The following KIFC3 variants were observed in gnomAD, a reference collection of about 807,000 sequenced individuals.
The protein encoded by KIFC3 is kinesin-like protein KIFC3.
Under a neutral mutation model 101.8 loss-of-function variants are expected in KIFC3, and 60 were observed. The ratio of observed to expected loss-of-function variants is 0.59; its 90% CI spans 0.48 to 0.73. The LOEUF (loss-of-function observed/expected upper bound fraction) is 0.73, where lower values mean the gene tolerates loss of function less well. Among genes scored for constraint, KIFC3 ranks in the 30% least tolerant of loss-of-function variants. KIFC3 has a pLI of 0.00. For synonymous variants in KIFC3, 476 were observed against 482.7 expected, an observed-to-expected ratio of 0.99 and a Z score of 0.18; for missense variants, 966 against 1,137.1, an observed-to-expected ratio of 0.85 and a Z score of 2.16.
chr16:57,783,215 C>A (rs143098489), intron 3 of KIFC3, among the ~76,000 whole-genome samples: 1 of 152,342 alleles, frequency 6.6e-6, no homozygotes, highest in African/African-American at 2.4e-5. Flanking sequence ...TACGATTTCA[C>A]TTCTATGAAA....
chr16:57,784,185 C>T (rs147148686), intron 3 of KIFC3, among the ~76,000 whole-genome samples: 4 of 152,244 alleles, frequency 2.6e-5, no homozygotes, highest in Non-Finnish European at 4.4e-5. Context: ...GTGCCCAGCT[C>T]AGTGCCAGTA....
Position 57,802,274 on chromosome 16 carries a change from G to A in KIFC3, c.-40+96C>T, listed in dbSNP as rs1484006194. The stretch of plus-strand genomic sequence containing the variant: ...TAGCGGGTCCGGGCAGAGGGGTCCC[G>A]AGGGCAGGGCCGGCCCGGACGCGGC... On this transcript the variant is annotated intron_variant, in intron 1 of 19. Transcript: ENST00000445690. The surrounding 1 kb of genome is among the most constrained non-coding windows in gnomAD (Gnocchi z 5.0). 4.0e-5 allele frequency: 26 copies of A among 648,492 alleles called. No individual in the cohort carries two copies. Among genetic ancestry groups the A allele is most frequent in the Non-Finnish European group, 4.4e-5 (23 of 522,340 alleles). The allele number at this position is 648,492 out of a possible 1,614,324, so 40.2% of individuals were successfully genotyped here.
chr16:57,813,590 A>G, intron 1 of KIFC3: 1 of 725,938 alleles, frequency 1.4e-6, no homozygotes. Flanking sequence ...TGAGAATCCC[A>G]GCCCTGGGGT....
chr16:57,812,857 A>T (rs2055124532), intron 1 of KIFC3, among the ~76,000 whole-genome samples: 2 of 152,216 alleles, frequency 1.3e-5, no homozygotes, highest in Admixed American at 1.3e-4. Context: ...TGGTCCAGCC[A>T]TGTCTGCTTG....
intron 16 of KIFC3, 56 bp downstream of exon 16, chr16:57,760,670 T>A: frequency 6.8e-7 from 1 of 1,480,994 alleles, no homozygotes; most frequent in Non-Finnish European, 9.4e-7. Context: ...TGGGTCTCAC[T>A]GCTAGCGTAG....
intron 1 of KIFC3, among the ~76,000 whole-genome samples, chr16:57,851,728 G>A (rs1429111775): frequency 1.3e-5 from 2 of 150,892 alleles, no homozygotes; most frequent in East Asian, 2.0e-4. Flanking sequence ...CACCACACCC[G>A]GCTAATTTTT....
In KIFC3 at chr16:57,821,045, T is replaced by A. The variant is rs8046102; in HGVS notation, c.109-22763A>T. 7.9e-3 allele frequency among the ~76,000 whole-genome samples: 1,184 copies of A among 150,474 alleles called. 9 individuals carry two copies. Among genetic ancestry groups the A allele is most frequent in the African/African-American group, 0.027 (1,109 of 40,866 alleles). On this transcript the variant is annotated intron_variant, in intron 1 of 2. Transcript: ENST00000563028. ...TACTCAGGAGACTGAGGCAGGAGGA[T>A]CCCTTGAAGCAGAAGTTCGAGGCCG...
At chr16:57,823,761 TTGTGTG>T (rs542476459) in intron 1 of KIFC3, among the ~76,000 whole-genome samples, 9,588 of 136,614 alleles carry the variant, frequency 0.07, 340 homozygotes, top group African/African-American at 0.079. Context: ...CCCGGCTACT[TTGTGTG>T]TGTGTGTGTG....
At chr16:57,787,055 A>G (rs2053408494) in intron 3 of KIFC3, among the ~76,000 whole-genome samples, 1 of 152,354 alleles carries the variant, frequency 6.6e-6, no homozygotes, top group South Asian at 2.1e-4. Context: ...TATGTCACAC[A>G]GAGCTGGCCA....
chr16:57,767,310 CCT>C (rs373787240), intron 9 of KIFC3, among the ~76,000 whole-genome samples: 16 of 152,288 alleles, frequency 1.1e-4, no homozygotes, highest in Admixed American at 3.3e-4. Flanking sequence ...CAACTCTGCC[CCT>C]GAGTAGCTGG....
At chr16:57,822,676 G>A (rs1055257547) in intron 1 of KIFC3, among the ~76,000 whole-genome samples, 1 of 152,042 alleles carries the variant, frequency 6.6e-6, no homozygotes, top group Non-Finnish European at 1.5e-5. Flanking sequence ...CAGCCTGGGC[G>A]ACAGAGCAAG....
chr16:57,759,248 G>A (rs926363519), intron 18 of KIFC3, 95 bp from the exon 19 acceptor site: 121 of 1,419,830 alleles, frequency 8.5e-5, no homozygotes, highest in Non-Finnish European at 1.7e-5. Context: ...ACTCAAGGAT[G>A]GGCCAGGCCC....
intron 3 of KIFC3, chr16:57,785,615 C>A (rs956565133): frequency 1.6e-6 from 2 of 1,269,704 alleles, no homozygotes; most frequent in Admixed American, 2.4e-5. Context: ...GGGGGCCGCA[C>A]CTGGTGGCCC....
At chr16:57,809,577 G>A (rs2055017990) in intron 1 of KIFC3, among the ~76,000 whole-genome samples, 3 of 152,164 alleles carry the variant, frequency 2.0e-5, no homozygotes, top group East Asian at 1.9e-4. Flanking sequence ...TTTATAAACA[G>A]CATTGCTGTC....
At position 57,802,399 on chromosome 16, in the gene KIFC3, G is replaced by T; in HGVS notation, c.-69C>A. The T allele has an allele frequency of 2.0e-6, 2 of 983,212 alleles. No homozygotes were observed. Among genetic ancestry groups the T allele is most frequent in the Non-Finnish European group, 2.4e-6 (2 of 829,126 alleles). The allele number at this position is 983,212 out of a possible 1,614,324, so 60.9% of individuals were successfully genotyped here. A position where few individuals can be genotyped will look rare whatever the true frequency, so the allele number is the denominator to read the frequency against. On this transcript the variant is annotated 5_prime_UTR_variant, in exon 1 of 20. Coordinates refer to ENST00000445690, the MANE Select transcript of KIFC3 (RefSeq NM_001130100.2). The surrounding 1 kb of genome is among the most constrained non-coding windows in gnomAD (Gnocchi z 5.0). ...CTGGCGGAGGCAGGATCCAGGCGTC[G>T]CCGCAGCGCCCGGGGCTCGGCCCGG...
chr16:57,836,511 G>A (rs893973424), intron 1 of KIFC3, among the ~76,000 whole-genome samples: 2 of 152,282 alleles, frequency 1.3e-5, no homozygotes, highest in African/African-American at 4.8e-5. Flanking sequence ...AAGTTGAGCA[G>A]CCCAGGCAAG....
At chr16:57,767,056 G>T in intron 9 of KIFC3, 71 bp from the exon 10 acceptor site, 1 of 1,239,894 alleles carries the variant, frequency 8.1e-7, no homozygotes. Context: ...GCCCACCCCT[G>T]AGGGGTGCTC....
At chr16:57,789,629 G>A (rs1219376172) in intron 3 of KIFC3, among the ~76,000 whole-genome samples, 25 of 152,244 alleles carry the variant, frequency 1.6e-4, no homozygotes, top group Admixed American at 6.5e-5. Flanking sequence ...CAGAGAGAAC[G>A]TGAGAAGAGG....
At chr16:57,787,600 C>A (rs1290372857) in intron 3 of KIFC3, among the ~76,000 whole-genome samples, 1 of 152,192 alleles carries the variant, frequency 6.6e-6, no homozygotes, top group Non-Finnish European at 1.5e-5. Flanking sequence ...GCACTCGGGG[C>A]TCAAAGATGC....
Sources: gnomAD v4.1 joint callset for allele counts (sites outside exome capture counted in the v4.1 genomes callset) on GRCh38, gnomAD v4.1.1 for gene constraint, Gnocchi (gnomAD v3.1) non-coding constraint, MANE v1.5 for transcripts, NCBI Gene and HGNC (gene_info 2026-07-23, HGNC 2026-07-21) for gene names.